The following MGARP variants were observed in gnomAD, a reference collection of about 807,000 sequenced individuals.
MGARP encodes the protein mitochondria localized glutamic acid rich protein.
In MGARP, 12 loss-of-function variants were observed where a neutral mutation model predicts 11.0. That is an observed-to-expected ratio of 1.09 (90% CI 0.70 to 1.77). The LOEUF (loss-of-function observed/expected upper bound fraction) is 1.77, where lower values mean the gene tolerates loss of function less well. MGARP is among the 40% of genes most tolerant of loss of function. The pLI, the probability that MGARP is intolerant of heterozygous loss-of-function variation, is 0.00. For missense variants in MGARP, 283 were observed against 297.8 expected (o/e 0.95, Z 0.36); for synonymous variants, 110 against 115.4 (o/e 0.95, Z 0.30).
rs557337954 is a variant in MGARP, at chr4:139,267,016, A to T, written c.306T>A (p.Thr102=). 77 of 1,613,702 alleles carry T rather than the reference A, an allele frequency of 4.8e-5. No homozygotes were observed. In the South Asian group the frequency reaches 7.1e-4, roughly 15 times the overall value. Residue 102 remains threonine (T), a synonymous_variant, in exon 4 of 4, where the codon ACT becomes ACA. Transcript: ENST00000398955. ...FQGEKENVAE[T]EKASSEAPEE... Reference sequence around the variant, plus strand: ...CTGGGGCTTCTGAACTTGCTTTCTCAGTTTCCGCAACATTCTCCTTTTCAC... The same window carrying T: ...CTGGGGCTTCTGAACTTGCTTTCTCTGTTTCCGCAACATTCTCCTTTTCAC...
At chr4:139,279,607 C>G (rs1440613036) in intron 1 of MGARP, among the ~76,000 whole-genome samples, 4 of 152,186 alleles carry the variant, frequency 2.6e-5, no homozygotes. Context: ...CCTCCCAGCG[C>G]TTGCCGGGCC....
rs115530463 is a variant in MGARP at position 139,275,809 on chromosome 4, T to C, written c.83-417A>G. 6.8e-3 allele frequency among the ~76,000 whole-genome samples: 1,038 copies of C among 152,346 alleles called. 10 individuals are homozygous for C. Among genetic ancestry groups the C allele is most frequent in the African/African-American group, 0.024 (997 of 41,580 alleles). On this transcript the variant is annotated intron_variant, in intron 1 of 3. Transcript: ENST00000398955. Reference sequence around the variant, plus strand: ...CAGTATGTTTATACCTAAAATGTAATACAATTTGTATTTATATGTTAAATC... The same window carrying C: ...CAGTATGTTTATACCTAAAATGTAACACAATTTGTATTTATATGTTAAATC...
At chr4:139,279,403 TACAGA>T (rs1020282227) in intron 1 of MGARP, among the ~76,000 whole-genome samples, 1 of 152,176 alleles carries the variant, frequency 6.6e-6, no homozygotes, top group Non-Finnish European at 1.5e-5. Flanking sequence ...ATATTTGGAC[TACAGA>T]GCCAAGCAGT....
intron 1 of MGARP, among the ~76,000 whole-genome samples, chr4:139,277,610 A>G (rs1194536357): frequency 6.6e-6 from 1 of 152,256 alleles, no homozygotes; most frequent in African/African-American, 2.4e-5. Context: ...AATAAGGATT[A>G]ATTAGACAAA....
Position 139,275,205 on chromosome 4 carries a change from T to A in MGARP, c.186+84A>T. The stretch of plus-strand genomic sequence containing the variant: ...TGTTGTATATTTAATTAATCTCATG[T>A]CCTGATCTTGACGTTGCTTTGAGCT... On this transcript the variant is annotated intron_variant, in intron 2 of 3. Transcript: ENST00000398955. The A allele has an allele frequency of 4.7e-6, 5 of 1,060,874 alleles. No homozygotes were observed. In the South Asian group the frequency reaches 6.7e-5, roughly 14 times the overall value. 65.7% of individuals were successfully genotyped at this position (1,060,874 alleles called of 1,614,324 possible).
intron 3 of MGARP, 85 bp downstream of exon 3, chr4:139,268,587 A>C: frequency 1.1e-6 from 1 of 907,690 alleles, no homozygotes; most frequent in South Asian, 1.8e-5. Context: ...AGCCAAAAGC[A>C]AATAGTGTTC....
At chr4:139,277,175 C>G (rs1011094066) in intron 1 of MGARP, among the ~76,000 whole-genome samples, 1 of 152,118 alleles carries the variant, frequency 6.6e-6, no homozygotes, top group Non-Finnish European at 1.5e-5. Flanking sequence ...GTCCAACCTG[C>G]AATTTGATGT....
chr4:139,275,249 T>G (rs1446508723), intron 2 of MGARP, 40 bp downstream of exon 2: 3 of 1,533,566 alleles, frequency 2.0e-6, no homozygotes, highest in African/African-American at 1.4e-5. Context: ...AGTTGTAAAA[T>G]ACATGAATTC....
intron 2 of MGARP, among the ~76,000 whole-genome samples, chr4:139,270,011 T>C (rs572600449): frequency 2.2e-4 from 34 of 152,128 alleles, no homozygotes; most frequent in Non-Finnish European, 4.4e-4. Flanking sequence ...AGAATGTCTG[T>C]AATGTCGGGG....
At chr4:139,267,246 A>G (rs1348586172) in intron 3 of MGARP, among the ~76,000 whole-genome samples, 1 of 152,108 alleles carries the variant, frequency 6.6e-6, no homozygotes, top group Non-Finnish European at 1.5e-5. Flanking sequence ...TTGGAGCAGG[A>G]GGGGGGTAAG....
intron 2 of MGARP, among the ~76,000 whole-genome samples, chr4:139,271,410 C>T (rs774964502): frequency 7.9e-5 from 12 of 152,188 alleles, no homozygotes; most frequent in African/African-American, 2.6e-4. Flanking sequence ...CCTGTAATCC[C>T]AGCTGCTCAG....
At chr4:139,279,742 TG>T (rs1283070005) in intron 1 of MGARP, among the ~76,000 whole-genome samples, 1 of 152,210 alleles carries the variant, frequency 6.6e-6, no homozygotes, top group African/African-American at 2.4e-5. Flanking sequence ...CGTTTTTAAG[TG>T]CTTTTAACCA....
In MGARP at chr4:139,266,907, A is replaced by G; in HGVS notation, c.415T>C (p.Cys139Arg). The G allele has an allele frequency of 1.2e-6, 2 of 1,614,198 alleles. No individual in the cohort carries two copies. The highest frequency in any genetic ancestry group is 1.1e-5 in the South Asian group (1 of 91,086). The change falls in exon 4 of 4, where the codon TGT becomes CGT. Residue 139 changes from cysteine (C) to arginine (R), a missense_variant. Coordinates refer to ENST00000398955, the MANE Select transcript of MGARP (RefSeq NM_032623.4). The part of the protein sequence containing the change: ...TVVVIKEASA[C>R]PGHVEAAPET... ...GGAGCAGCCTCCACGTGACCTGGAC[A>G]GGCAGATGCCTCTTTTATGACCACA...
At chr4:139,277,259 G>A (rs115272480) in intron 1 of MGARP, among the ~76,000 whole-genome samples, 29 of 152,294 alleles carry the variant, frequency 1.9e-4, no homozygotes, top group African/African-American at 6.0e-4. Context: ...CTTAAGGCAT[G>A]CTTACAAACC....
chr4:139,268,123 G>A (rs926640044), intron 3 of MGARP, among the ~76,000 whole-genome samples: 2 of 149,860 alleles, frequency 1.3e-5, no homozygotes, highest in Non-Finnish European at 3.0e-5. Context: ...TGGAGGGAAG[G>A]GGGAAAGGAA....
Position 139,268,670 on chromosome 4 carries a change from A to G in MGARP, c.280+2T>C, listed in dbSNP as rs1230992032. The stretch of plus-strand genomic sequence containing the variant: ...AAATAAAAAATTAAGAAATTCATTT[A>G]CCTTGAAATGGATGTATCTCTGCTT... On this transcript the variant is annotated splice_donor_variant, in intron 3 of 3. Transcript: ENST00000398955. LOFTEE classifies it high-confidence loss of function. The G allele has an allele frequency of 1.9e-6, 3 of 1,567,980 alleles. No individual in the cohort carries two copies. Among genetic ancestry groups the G allele is most frequent in the Middle Eastern group, 1.7e-4 (1 of 5,898 alleles).
At position 139,280,218 on chromosome 4, in the gene MGARP, G is replaced by C. The variant is rs924751060; in HGVS notation, c.-60C>G. The C allele has an allele frequency of 3.3e-6, 5 of 1,497,806 alleles. No homozygotes were observed. Among genetic ancestry groups the C allele is most frequent in the Non-Finnish European group, 3.6e-6 (4 of 1,112,090 alleles). The allele number at this position is 1,497,806 out of a possible 1,614,324, so 92.8% of individuals were successfully genotyped here. On this transcript the variant is annotated 5_prime_UTR_variant, in exon 1 of 4. Transcript: ENST00000398955. ...CCCAGGCGCAGGCTGCCCTTCCACA[G>C]AGAGGCTGAGAGCCTGGCAGCGCCC...
At chr4:139,270,452 AC>A (rs1744761934) in intron 2 of MGARP, among the ~76,000 whole-genome samples, 1 of 151,408 alleles carries the variant, frequency 6.6e-6, no homozygotes, top group Non-Finnish European at 1.5e-5. Flanking sequence ...TACAAAAAGT[AC>A]AAAAAATTAG....
intron 2 of MGARP, among the ~76,000 whole-genome samples, chr4:139,270,114 C>A (rs1209823896): frequency 7.6e-6 from 1 of 131,750 alleles, no homozygotes; most frequent in African/African-American, 3.3e-5. Context: ...CCAGCCTGAC[C>A]AACATGAGAA....
Sources: gnomAD v4.1 joint callset for allele counts (sites outside exome capture counted in the v4.1 genomes callset) on GRCh38, gnomAD v4.1.1 for gene constraint, MANE v1.5 for transcripts, NCBI Gene and HGNC (gene_info 2026-07-23, HGNC 2026-07-21) for gene names.